The following EVI5 variants were observed in gnomAD, a reference collection of about 807,000 sequenced individuals.
The protein encoded by EVI5 is ecotropic viral integration site 5, also known as ecotropic viral integration site 5 protein homolog.
EVI5 carries 73 observed loss-of-function variants against 112.0 expected under a neutral mutation model. That is an observed-to-expected ratio of 0.65 (90% confidence interval 0.54 to 0.79). The LOEUF (loss-of-function observed/expected upper bound fraction) is 0.79, where lower values mean the gene tolerates loss of function less well. Ranked by LOEUF, EVI5 falls within the 30% of genes least tolerant of loss-of-function variation. The pLI, the probability that EVI5 is intolerant of heterozygous loss-of-function variation, is 0.00. For synonymous variants in EVI5, 305 were observed against 319.9 expected, an observed-to-expected ratio of 0.95 and a Z score of 0.50; for missense variants, 900 against 968.8, an observed-to-expected ratio of 0.93 and a Z score of 0.94.
chr1:92,590,170 C>G (rs1673565954), intron 18 of EVI5, among the ~76,000 whole-genome samples: 1 of 152,196 alleles, frequency 6.6e-6, no homozygotes, highest in African/African-American at 2.4e-5. Context: ...GCGGAAAAAA[C>G]AGAGCAGAAA....
At chr1:92,653,505 G>A (rs1361895196) in intron 13 of EVI5, among the ~76,000 whole-genome samples, 1 of 152,208 alleles carries the variant, frequency 6.6e-6, no homozygotes, top group Non-Finnish European at 1.5e-5. Context: ...AACCTAGTAT[G>A]AGTGCTCAGA....
At chr1:92,756,992 T>C (rs1681056926) in intron 1 of EVI5, 1 of 211,312 alleles carries the variant, frequency 4.7e-6, no homozygotes, top group South Asian at 7.7e-5. Flanking sequence ...CCCAGACTGC[T>C]CTGTGACTTG....
At chr1:92,552,603 G>A (rs776596993) in intron 19 of EVI5, among the ~76,000 whole-genome samples, 1 of 152,186 alleles carries the variant, frequency 6.6e-6, no homozygotes, top group Non-Finnish European at 1.5e-5. Context: ...TTCTTGACCA[G>A]TGTGATATAT....
At chr1:92,755,410 T>TAAAAACAAAACGAACAAAAAAAAAA (rs1680805082) in intron 1 of EVI5, among the ~76,000 whole-genome samples, 1 of 152,012 alleles carries the variant, frequency 6.6e-6, no homozygotes, top group Non-Finnish European at 1.5e-5. Context: ...GATTCCGTCT[T>TAAAAACAAAACGAACAAAAAAAAAA]AAAAACAAAA....
In EVI5 at chr1:92,729,606, C is replaced by T. The variant is rs190725352; in HGVS notation, c.149+6792G>A. On this transcript the variant is annotated intron_variant, in intron 2 of 19. Transcript: ENST00000684568. Reference sequence around the variant, plus strand: ...AGATACCAAAATGTGTGGGTGGTGACGTCCTTAGATCAAATGGTATAGTAT... The same window carrying T: ...AGATACCAAAATGTGTGGGTGGTGATGTCCTTAGATCAAATGGTATAGTAT... Among the ~76,000 whole-genome samples, 21 of 152,224 alleles carry T rather than the reference C, an allele frequency of 1.4e-4. No individual in the cohort carries two copies. The East Asian group carries it at 2.7e-3, about 20-fold the overall frequency.
At chr1:92,683,667 G>A (rs1264702985) in intron 9 of EVI5, among the ~76,000 whole-genome samples, 1 of 152,182 alleles carries the variant, frequency 6.6e-6, no homozygotes, top group African/African-American at 2.4e-5. Flanking sequence ...TTGAAAAAAG[G>A]TTAGATGATT....
intron 1 of EVI5, among the ~76,000 whole-genome samples, chr1:92,746,805 G>A (rs1392115905): frequency 2.0e-5 from 3 of 151,928 alleles, no homozygotes. Context: ...GCTAAGGCGG[G>A]AGGATCACTT....
At chr1:92,730,642 A>G (rs2102765686) in intron 2 of EVI5, among the ~76,000 whole-genome samples, 1 of 150,020 alleles carries the variant, frequency 6.7e-6, no homozygotes, top group Non-Finnish European at 1.5e-5. Context: ...TGATTATGCC[A>G]CTGCATTCCA....
Position 92,645,476 on chromosome 1 carries a change from CA to C in EVI5, c.1393-9141del, listed in dbSNP as rs576287404. Among the ~76,000 whole-genome samples the C allele has an allele frequency of 1.9e-3, 296 of 152,310 alleles. 1 individual carries two copies. Among genetic ancestry groups the C allele is most frequent in the African/African-American group, 6.9e-3 (287 of 41,574 alleles). On this transcript the variant is annotated intron_variant, in intron 13 of 19. Coordinates refer to ENST00000684568, the MANE Select transcript of EVI5 (RefSeq NM_001350197.2). ...GGGGAAAGTCACTGTCATTAGCTAT[CA>C]AGCTCTACACATTTCCATAGCTACA...
At chr1:92,790,795 C>T (rs1686040301) in intron 1 of EVI5, among the ~76,000 whole-genome samples, 1 of 150,972 alleles carries the variant, frequency 6.6e-6, no homozygotes, top group Non-Finnish European at 1.5e-5. Flanking sequence ...CTGCACTGCA[C>T]CCTGGGCAAC....
chr1:92,590,584 G>GAA (rs1673652734), intron 18 of EVI5, among the ~76,000 whole-genome samples: 1 of 152,040 alleles, frequency 6.6e-6, no homozygotes, highest in African/African-American at 2.4e-5. Context: ...AAAAAGAAAT[G>GAA]AACAGTCTCC....
In EVI5 at chr1:92,624,268, G is replaced by A. The variant is rs1655169821; in HGVS notation, c.1735C>T (p.Gln579Ter). Residue 579 changes from glutamine (Q) to a stop codon, truncating the protein, a stop_gained, in exon 16 of 20, where the codon CAA becomes TAA. Transcript: ENST00000684568. LOFTEE classifies it high-confidence loss of function. ...AGTCGAATGGTCATCAGTTCATCTT[G>A]TAACTCATTCATAGCATTTTTCTTG... ...PPKKNAMNEL[Q>*]DELMTIRLRE... is the part of the protein sequence containing the mutation. 1 of 1,611,938 alleles carries A rather than the reference G, an allele frequency of 6.2e-7. No homozygotes were observed. Among genetic ancestry groups the A allele is most frequent in the African/African-American group, 1.3e-5 (1 of 74,818 alleles).
intron 1 of EVI5, among the ~76,000 whole-genome samples, chr1:92,751,654 T>C (rs940746178): frequency 2.0e-5 from 3 of 149,268 alleles, no homozygotes; most frequent in South Asian, 2.1e-4. Flanking sequence ...AGACACTGCA[T>C]ATGTGAAAAT....
At chr1:92,520,966 T>TC (rs1375834290) in intron 19 of EVI5, among the ~76,000 whole-genome samples, 6 of 146,638 alleles carry the variant, frequency 4.1e-5, no homozygotes, top group Middle Eastern at 3.5e-3. Context: ...TGCTTCTTCT[T>TC]TTTTTTTTTT....
chr1:92,590,283 G>C (rs1378358242), intron 18 of EVI5, among the ~76,000 whole-genome samples: 1 of 152,164 alleles, frequency 6.6e-6, no homozygotes, highest in Admixed American at 6.5e-5. Flanking sequence ...TTGACGAGTT[G>C]AGAGAAGAAG....
intron 13 of EVI5, among the ~76,000 whole-genome samples, chr1:92,643,823 A>C (rs1660451850): frequency 6.6e-6 from 1 of 152,250 alleles, no homozygotes; most frequent in Non-Finnish European, 1.5e-5. Flanking sequence ...TGAAACTATT[A>C]AGAATTATAT....
chr1:92,639,050 A>T (rs996156348), intron 13 of EVI5, among the ~76,000 whole-genome samples: 1 of 152,186 alleles, frequency 6.6e-6, no homozygotes, highest in African/African-American at 2.4e-5. Context: ...GATGGCTGGC[A>T]GTCTCAGCAA....
intron 13 of EVI5, 62 bp from the exon 14 acceptor site, chr1:92,636,398 A>T (rs180834080): frequency 5.6e-5 from 78 of 1,389,074 alleles, no homozygotes; most frequent in Non-Finnish European, 7.5e-5. Context: ...TACAATAAAA[A>T]CAATGCAACC....
Position 92,785,016 on chromosome 1 carries a change from C to A in EVI5, c.-262G>T, listed in dbSNP as rs1048030480. The A allele has an allele frequency of 1.0e-6, 1 of 985,608 alleles. No homozygotes were observed. Among genetic ancestry groups the A allele is most frequent in the Non-Finnish European group, 1.2e-6 (1 of 830,088 alleles). The allele number at this position is 985,608 out of a possible 1,614,324, so 61.1% of individuals were successfully genotyped here. A position where few individuals can be genotyped will look rare whatever the true frequency, so the allele number is the denominator to read the frequency against. ...CGCCTCGCGACCCTCACCTACCCCT[C>A]CCGGCACCGCCGCTGTCGGAACTGC... On this transcript the variant is annotated 5_prime_UTR_variant, in exon 1 of 20. Coordinates refer to ENST00000684568, the MANE Select transcript of EVI5 (RefSeq NM_001350197.2).
Sources: gnomAD v4.1 joint callset for allele counts (sites outside exome capture counted in the v4.1 genomes callset) on GRCh38, gnomAD v4.1.1 for gene constraint, MANE v1.5 for transcripts, NCBI Gene and HGNC (gene_info 2026-07-23, HGNC 2026-07-21) for gene names.